The following INTS3 variants were observed in gnomAD, a reference collection of about 807,000 sequenced individuals.
INTS3 encodes SOSS complex subunit A.
INTS3 carries 34 observed loss-of-function variants against 146.3 expected under a neutral mutation model. That is an observed-to-expected ratio of 0.23 (90% CI 0.18 to 0.31). The LOEUF is 0.31. Ranked by LOEUF, INTS3 falls within the 10% of genes least tolerant of loss-of-function variation. The probability of loss-of-function intolerance (pLI) is 1.00; values close to 1 mark genes in which losing one functional copy is unlikely to be tolerated. For missense variants in INTS3, 757 were observed against 1,304.2 expected, an observed-to-expected ratio of 0.58 and a Z score of 6.46; for synonymous variants, 475 against 494.9, an observed-to-expected ratio of 0.96 and a Z score of 0.53.
chr1:153,755,548 C>T (rs1424421541), intron 9 of INTS3, among the ~76,000 whole-genome samples: 1 of 152,200 alleles, frequency 6.6e-6, no homozygotes, highest in Non-Finnish European at 1.5e-5. Context: ...GCGTGAGCCA[C>T]TGCACCCAGC....
rs777306330 is a variant in INTS3 at position 153,763,214 on chromosome 1, C to T, written c.1637-19C>T. On this transcript the variant is annotated intron_variant, in intron 15 of 29. Coordinates refer to ENST00000318967, the MANE Select transcript of INTS3 (RefSeq NM_023015.5). ...GGCATCTGGGCAAACTGACTTCTTT[C>T]CCAAATCACTCCCTTTAGGAAAGAA... 1.2e-6 allele frequency: 2 copies of T among 1,614,016 alleles called. No individual in the cohort carries two copies. The highest frequency in any genetic ancestry group is 1.1e-5 in the South Asian group (1 of 91,084).
intron 10 of INTS3, among the ~76,000 whole-genome samples, chr1:153,758,825 T>A (rs1452540522): frequency 7.0e-6 from 1 of 142,814 alleles, no homozygotes; most frequent in African/African-American, 2.6e-5. Context: ...AACCCAGGCC[T>A]GGCCAGGCAT....
intron 1 of INTS3, among the ~76,000 whole-genome samples, chr1:153,738,448 G>T (rs769481205): frequency 5.9e-5 from 9 of 152,176 alleles, no homozygotes; most frequent in Non-Finnish European, 1.0e-4. Context: ...AGTTTGGGTT[G>T]TCTGAAATTT....
Position 153,764,924 on chromosome 1 carries a change from C to A in INTS3, c.1971-20C>A. 6.2e-7 allele frequency: 1 copy of A among 1,614,048 alleles called. No individual in the cohort carries two copies. The highest frequency in any genetic ancestry group is 8.5e-7 in the Non-Finnish European group (1 of 1,179,938). ...CCCTGGGTAAAGTTCTGTTCCTCTC[C>A]TCCCATGCCCCACCTCCAGGAACCT... On this transcript the variant is annotated intron_variant, in intron 19 of 29. Coordinates refer to ENST00000318967, the MANE Select transcript of INTS3 (RefSeq NM_023015.5).
At chr1:153,770,809 T>C (rs1263760418) in intron 25 of INTS3, 76 bp downstream of exon 25, 14 of 1,155,578 alleles carry the variant, frequency 1.2e-5, no homozygotes, top group Middle Eastern at 1.9e-4. Flanking sequence ...AGGGCTTCTG[T>C]CCTCCTCCTT....
chr1:153,757,865 C>T lies in INTS3; in HGVS notation c.1149+102C>T. 2 of 863,166 alleles carry T rather than the reference C, an allele frequency of 2.3e-6. No homozygotes were observed. The highest frequency in any genetic ancestry group is 3.7e-6 in the Non-Finnish European group (2 of 542,624). 53.5% of individuals were successfully genotyped at this position (863,166 alleles called of 1,614,324 possible). ...CCAGGGCCACTTGACCCCTAAGGGC[C>T]CTTCTTTCACTCTGGTCTTCCAGAG... On this transcript the variant is annotated intron_variant, in intron 10 of 29. Coordinates refer to ENST00000318967, the MANE Select transcript of INTS3 (RefSeq NM_023015.5). The surrounding 1 kb of genome is among the most constrained non-coding windows in gnomAD (Gnocchi z 4.0).
chr1:153,749,659 T>G (rs1436323373), intron 6 of INTS3, among the ~76,000 whole-genome samples: 1 of 152,244 alleles, frequency 6.6e-6, no homozygotes, highest in Non-Finnish European at 1.5e-5. Context: ...TTGGTGTCAT[T>G]GCACTAGCAC....
intron 15 of INTS3, 74 bp from the exon 16 acceptor site, chr1:153,763,159 T>C: frequency 6.3e-7 from 1 of 1,585,344 alleles, no homozygotes. Flanking sequence ...AGGAAGGGGA[T>C]AAGTCATTGA....
chr1:153,728,105 G>C lies in INTS3; in HGVS notation c.-530G>C. The C allele has an allele frequency of 2.6e-6, 1 of 389,592 alleles. No homozygotes were observed. Among genetic ancestry groups the C allele is most frequent in the Non-Finnish European group, 4.4e-6 (1 of 224,788 alleles). 24.1% of individuals were successfully genotyped at this position (389,592 alleles called of 1,614,324 possible). A position where few individuals can be genotyped will look rare whatever the true frequency, so the allele number is the denominator to read the frequency against. On this transcript the variant is annotated 5_prime_UTR_variant, in exon 1 of 30. Transcript: ENST00000318967. ...CCGCTTCTGTGTGGTGTGGGGAGAC[G>C]CTGGTCCTCCCCGTCCTCCCATAGC... is the stretch of plus-strand genomic sequence containing the variant.
intron 20 of INTS3, among the ~76,000 whole-genome samples, chr1:153,766,115 CT>C (rs542483679): frequency 3.4e-3 from 287 of 84,638 alleles, no homozygotes; most frequent in African/African-American, 8.6e-3. Flanking sequence ...TTTTCTTTCT[CT>C]TTTTTTTTTT....
At chr1:153,769,159 G>A (rs2101828524) in intron 22 of INTS3, among the ~76,000 whole-genome samples, 198 bp downstream of exon 22, 1 of 152,332 alleles carries the variant, frequency 6.6e-6, no homozygotes, top group Non-Finnish European at 1.5e-5. Context: ...GCTGAGGTTA[G>A]GCCAATCCTG....
chr1:153,732,280 G>A (rs952489067), intron 1 of INTS3, among the ~76,000 whole-genome samples: 1 of 152,022 alleles, frequency 6.6e-6, no homozygotes, highest in Non-Finnish European at 1.5e-5. Flanking sequence ...TTTTCCCCAA[G>A]GAATAATTCA....
At position 153,752,611 on chromosome 1, in the gene INTS3, A is replaced by C. The variant is rs571752625; in HGVS notation, c.859+203A>C. ...TTCATGTAGTTCCTAGACAGCCCCT[A>C]CTTGGCAGACTCCAGCTGCCACATT... On this transcript the variant is annotated intron_variant, in intron 8 of 29. Transcript: ENST00000318967. 2.0e-5 allele frequency among the ~76,000 whole-genome samples: 3 copies of C among 152,312 alleles called. No homozygotes were observed. In the East Asian group the frequency reaches 5.8e-4, roughly 29 times the overall value.
In INTS3 at chr1:153,728,581, T is replaced by G; in HGVS notation, c.-54T>G. ...CTGGCAATCCAGAGATCCCGATATC[T>G]AGGACTGTCCATCCATCCACTCCCT... On this transcript the variant is annotated 5_prime_UTR_variant, in exon 1 of 30. Coordinates refer to ENST00000318967, the MANE Select transcript of INTS3 (RefSeq NM_023015.5). 1 of 1,555,284 alleles carries G rather than the reference T, an allele frequency of 6.4e-7. No homozygotes were observed. Among genetic ancestry groups the G allele is most frequent in the Non-Finnish European group, 8.6e-7 (1 of 1,156,226 alleles).
At chr1:153,751,740 T>C (rs1671963209) in intron 7 of INTS3, among the ~76,000 whole-genome samples, 1 of 152,228 alleles carries the variant, frequency 6.6e-6, no homozygotes, top group Non-Finnish European at 1.5e-5. Flanking sequence ...GTTGGGATTA[T>C]AGGCGTGAGC....
intron 8 of INTS3, among the ~76,000 whole-genome samples, chr1:153,753,283 G>C (rs1672030447): frequency 6.6e-6 from 1 of 152,128 alleles, no homozygotes; most frequent in Non-Finnish European, 1.5e-5. Context: ...TTGAGGCCGG[G>C]CGCGGTGGCT....
rs572659630 is a variant in INTS3 at position 153,761,647 on chromosome 1, T to TCTG, written c.1489_1491dup (p.Cys497dup). 3,800 of 1,614,088 alleles carry TCTG rather than the reference T, an allele frequency of 2.4e-3. 9 individuals carry two copies. Among genetic ancestry groups the TCTG allele is most frequent in the Non-Finnish European group, 2.4e-3 (2,876 of 1,179,936 alleles). On this transcript the variant is annotated inframe_insertion, in exon 14 of 30. Transcript: ENST00000318967. ...ATGCTGAGAGAGAAGTTTCCTGAGT[T>TCTG]CTGCAGCTCACCCTCCCCACCTGTG... is the stretch of plus-strand genomic sequence containing the variant.
intron 3 of INTS3, among the ~76,000 whole-genome samples, chr1:153,744,204 G>C (rs945147533): frequency 1.3e-5 from 2 of 152,180 alleles, no homozygotes; most frequent in African/African-American, 4.8e-5. Context: ...GGTTAGTAAA[G>C]ATCCCAGATG....
intron 6 of INTS3, chr1:153,750,731 C>T: frequency 4.2e-6 from 1 of 237,952 alleles, no homozygotes; most frequent in Non-Finnish European, 8.2e-6. Context: ...AATTCTGTCC[C>T]TAGTACCTCA....
Sources: gnomAD v4.1 joint callset for allele counts (sites outside exome capture counted in the v4.1 genomes callset) on GRCh38, gnomAD v4.1.1 for gene constraint, Gnocchi (gnomAD v3.1) non-coding constraint, MANE v1.5 for transcripts, NCBI Gene and HGNC (gene_info 2026-07-23, HGNC 2026-07-21) for gene names.